The following TMEM267 variants were observed in gnomAD, a reference collection of about 807,000 sequenced individuals.
TMEM267 encodes transmembrane protein 267, also known as transmembrane protein C5orf28.
TMEM267 carries 20 observed loss-of-function variants against 19.3 expected under a neutral mutation model. That is an observed-to-expected ratio of 1.04 (90% confidence interval 0.73 to 1.51). The LOEUF (loss-of-function observed/expected upper bound fraction) is 1.51, where lower values mean the gene tolerates loss of function less well. Among genes scored for constraint, TMEM267 ranks in the 40% most tolerant of loss-of-function variants. TMEM267 has a pLI of 0.00. For synonymous variants in TMEM267, 88 were observed against 90.3 expected, an observed-to-expected ratio of 0.97 and a Z score of 0.15; for missense variants, 242 against 261.9, an observed-to-expected ratio of 0.92 and a Z score of 0.52.
At chr5:43,456,786 G>T (rs917655528) in intron 1 of TMEM267, among the ~76,000 whole-genome samples, 1 of 152,176 alleles carries the variant, frequency 6.6e-6, no homozygotes, top group South Asian at 2.1e-4. Context: ...GAACTCATAC[G>T]CTGCTGGTCG....
intron 1 of TMEM267, among the ~76,000 whole-genome samples, chr5:43,472,179 C>A (rs978501485): frequency 1.3e-5 from 2 of 152,076 alleles, no homozygotes; most frequent in African/African-American, 4.8e-5. Flanking sequence ...GGCAAACAGG[C>A]ATATGTAAAG....
intron 1 of TMEM267, among the ~76,000 whole-genome samples, chr5:43,480,959 C>T (rs1361530710): frequency 6.6e-6 from 1 of 151,380 alleles, no homozygotes; most frequent in African/African-American, 2.4e-5. Context: ...TGCCCGCCAC[C>T]ACGCTCAGCT....
At chr5:43,455,437 C>T (rs1742888722) in intron 1 of TMEM267, among the ~76,000 whole-genome samples, 1 of 151,490 alleles carries the variant, frequency 6.6e-6, no homozygotes, top group Admixed American at 6.6e-5. Flanking sequence ...AAAAAAGCTA[C>T]AGTAATCAAA....
In TMEM267 at chr5:43,457,227, C is replaced by T. The variant is rs74793934; in HGVS notation, c.-74-3184G>A. On this transcript the variant is annotated intron_variant, in intron 1 of 2. Coordinates refer to ENST00000397080, the MANE Select transcript of TMEM267 (RefSeq NM_022483.5). ...TGGTTCCCTACTTGTATCAAATATA[C>T]CACACTATTGCAAATATTAATAATG... Among the ~76,000 whole-genome samples the T allele has an allele frequency of 2.0e-4, 30 of 152,226 alleles. No homozygotes were observed. The East Asian group carries it at 5.8e-3, about 29-fold the overall frequency.
intron 1 of TMEM267, chr5:43,479,921 A>C: frequency 6.8e-6 from 3 of 438,522 alleles, no homozygotes; most frequent in Non-Finnish European, 1.4e-5. Flanking sequence ...CCTTTCTATA[A>C]ACCTCAGGAT....
intron 2 of TMEM267, 28 bp downstream of exon 2, chr5:43,453,630 T>C: frequency 8.8e-6 from 14 of 1,587,746 alleles, no homozygotes; most frequent in Non-Finnish European, 1.2e-5. Context: ...AAATTAAAGA[T>C]CAGAAAAATT....
intron 1 of TMEM267, among the ~76,000 whole-genome samples, chr5:43,459,263 C>T (rs144386986): frequency 1.3e-5 from 2 of 151,702 alleles, no homozygotes; most frequent in African/African-American, 4.8e-5. Context: ...GGAAGGGAGA[C>T]AAATAAAGAA....
At chr5:43,476,967 G>A (rs1744463081) in intron 1 of TMEM267, among the ~76,000 whole-genome samples, 1 of 150,778 alleles carries the variant, frequency 6.6e-6, no homozygotes, top group Non-Finnish European at 1.5e-5. Flanking sequence ...CAAGGCAGGA[G>A]GATTGCTTGA....
intron 1 of TMEM267, among the ~76,000 whole-genome samples, chr5:43,464,575 C>A (rs1192187052): frequency 2.0e-5 from 3 of 152,266 alleles, no homozygotes; most frequent in Non-Finnish European, 4.4e-5. Context: ...GCTACAGTAA[C>A]CAAAACAGCA....
At chr5:43,468,969 G>A (rs1172196272) in intron 1 of TMEM267, among the ~76,000 whole-genome samples, 1 of 152,154 alleles carries the variant, frequency 6.6e-6, no homozygotes, top group East Asian at 1.9e-4. Flanking sequence ...TCTCCTGAAT[G>A]ACCAGTGGGT....
rs201166651 is a variant in TMEM267, at chr5:43,468,911, CAA to C, written c.-74-14870_-74-14869del. 4.9e-3 allele frequency among the ~76,000 whole-genome samples: 742 copies of C among 152,152 alleles called. 9 individuals carry two copies. The highest frequency in any genetic ancestry group is 0.017 in the African/African-American group (698 of 41,508). On this transcript the variant is annotated intron_variant, in intron 1 of 2. Transcript: ENST00000397080. ...GTGGAATAAAACTAGAAATTAATAA[CAA>C]GAGGAATTTTGGAAACTATACAAAT...
intron 2 of TMEM267, among the ~76,000 whole-genome samples, chr5:43,448,096 A>G (rs972270157): frequency 3.3e-5 from 5 of 152,200 alleles, no homozygotes; most frequent in Admixed American, 2.0e-4. Flanking sequence ...AAGAGACTCT[A>G]CCTTGTCCCA....
At position 43,445,332 on chromosome 5, in the gene TMEM267, C is replaced by G. The variant is rs1008436666; in HGVS notation, c.*890G>C. 5.2e-4 allele frequency: 79 copies of G among 152,014 alleles called. No homozygotes were observed. Among genetic ancestry groups the G allele is most frequent in the African/African-American group, 1.8e-3 (73 of 41,500 alleles). 9.4% of individuals were successfully genotyped at this position (152,014 alleles called of 1,614,324 possible). On this transcript the variant is annotated 3_prime_UTR_variant, in exon 3 of 3. Coordinates refer to ENST00000397080, the MANE Select transcript of TMEM267 (RefSeq NM_022483.5). ...AAATAGTATATAAACAAACTGATAG[C>G]AACTAAAATAATTTTAATGGTACAT...
intron 2 of TMEM267, among the ~76,000 whole-genome samples, chr5:43,450,892 T>C (rs1024041634): frequency 1.9e-4 from 29 of 152,140 alleles, no homozygotes; most frequent in African/African-American, 7.0e-4. Context: ...TGGAGTGCAA[T>C]AGTGTGATCT....
intron 1 of TMEM267, among the ~76,000 whole-genome samples, chr5:43,463,131 C>T (rs1309037722): frequency 8.5e-5 from 13 of 152,290 alleles, no homozygotes; most frequent in African/African-American, 2.9e-4. Context: ...CACAGAAATA[C>T]AAACTACCAT....
chr5:43,448,837 C>A (rs1448950784), intron 2 of TMEM267, among the ~76,000 whole-genome samples: 2 of 147,422 alleles, frequency 1.4e-5, no homozygotes, highest in African/African-American at 2.5e-5. Flanking sequence ...GTAACAAATA[C>A]AAAACAAAAA....
chr5:43,464,958 G>T (rs185340083), intron 1 of TMEM267, among the ~76,000 whole-genome samples: 305 of 152,228 alleles, frequency 2.0e-3, no homozygotes, highest in East Asian at 0.017. Flanking sequence ...TGACAAATGG[G>T]ATCTAATTAA....
chr5:43,466,431 T>C (rs926980433), intron 1 of TMEM267, among the ~76,000 whole-genome samples: 1 of 151,910 alleles, frequency 6.6e-6, no homozygotes, highest in African/African-American at 2.4e-5. Flanking sequence ...GAAGAAGAAA[T>C]AAAAACTTTC....
intron 2 of TMEM267, among the ~76,000 whole-genome samples, chr5:43,448,785 C>A (rs1472771101): frequency 7.1e-6 from 1 of 140,388 alleles, no homozygotes; most frequent in African/African-American, 2.6e-5. Flanking sequence ...TAAAAAACAA[C>A]CCCCCCCCAC....
Sources: gnomAD v4.1 joint callset for allele counts (sites outside exome capture counted in the v4.1 genomes callset) on GRCh38, gnomAD v4.1.1 for gene constraint, MANE v1.5 for transcripts, NCBI Gene and HGNC (gene_info 2026-07-23, HGNC 2026-07-21) for gene names.